Variants in ZC2HC1B observed in about 807,000 individuals in gnomAD.
ZC2HC1B encodes zinc finger C2HC domain-containing protein 1B.
A neutral mutation model predicts 31.0 loss-of-function variants in ZC2HC1B; 36 were observed. The ratio of observed to expected loss-of-function variants is 1.16; its 90% CI spans 0.89 to 1.54. ZC2HC1B has a LOEUF of 1.54. ZC2HC1B is among the 40% of genes most tolerant of loss of function. The pLI is 0.00. For missense variants in ZC2HC1B, 260 were observed against 268.6 expected (o/e 0.97, Z 0.22); for synonymous variants, 73 against 88.0 (o/e 0.83, Z 0.95).
At chr6:143,896,845 AT>A (rs921082536) in intron 4 of ZC2HC1B, among the ~76,000 whole-genome samples, 34 of 151,662 alleles carry the variant, frequency 2.2e-4, no homozygotes, top group African/African-American at 6.3e-4. Flanking sequence ...GTCCTGTTCT[AT>A]TTTTTTTCAA....
chr6:143,903,233 C>A lies in ZC2HC1B; in HGVS notation c.598+81C>A. On this transcript the variant is annotated intron_variant, in intron 6 of 7. Coordinates refer to ENST00000237275, the MANE Select transcript of ZC2HC1B (RefSeq NM_001013623.3). This position sits in a 1 kb window ranked among gnomAD's most constrained non-coding sequence, Gnocchi z 4.3. ...GTTGGGTTTGGGATTCACTGGTAGT[C>A]TGCAAAAGCTCTAAGACATTCACTG... 1 of 1,244,378 alleles carries A rather than the reference C, an allele frequency of 8.0e-7. No homozygotes were observed. The highest frequency in any genetic ancestry group is 1.1e-6 in the Non-Finnish European group (1 of 869,954). The allele number at this position is 1,244,378 out of a possible 1,614,324, so 77.1% of individuals were successfully genotyped here.
At position 143,894,109 on chromosome 6, in the gene ZC2HC1B, T is replaced by G. The variant is rs530691076; in HGVS notation, c.350-4443T>G. On this transcript the variant is annotated intron_variant, in intron 4 of 7. Coordinates refer to ENST00000237275, the MANE Select transcript of ZC2HC1B (RefSeq NM_001013623.3). ...AAGATTTACATGATTGTTCATAGCT[T>G]TATTCATATAGCGTAAACTGGAAAC... is the stretch of plus-strand genomic sequence containing the variant. 7.2e-5 allele frequency among the ~76,000 whole-genome samples: 11 copies of G among 152,358 alleles called. No homozygotes were observed. The South Asian group carries it at 2.1e-3, about 29-fold the overall frequency.
In ZC2HC1B at chr6:143,924,005, G is replaced by A. The variant is rs955447414; in HGVS notation, c.599-13644G>A. On this transcript the variant is annotated intron_variant, in intron 6 of 7. Transcript: ENST00000237275. The surrounding 1 kb of genome is among the most constrained non-coding windows in gnomAD (Gnocchi z 5.2). ...AAGAATGTCATTGGTGTTTTGATAGGGATTACATTGAATCTGTAGATTGCT... is the reference window on the plus strand; with the variant it reads ...AAGAATGTCATTGGTGTTTTGATAGAGATTACATTGAATCTGTAGATTGCT... 1.3e-5 allele frequency among the ~76,000 whole-genome samples: 2 copies of A among 151,732 alleles called. No individual in the cohort carries two copies. Among genetic ancestry groups the A allele is most frequent in the Non-Finnish European group, 2.9e-5 (2 of 67,912 alleles).
chr6:143,906,383 C>T (rs1777795140), intron 6 of ZC2HC1B, among the ~76,000 whole-genome samples: 1 of 151,724 alleles, frequency 6.6e-6, no homozygotes, highest in South Asian at 2.1e-4. Flanking sequence ...AGTCATATCT[C>T]CATTTTCTTT....
At chr6:143,920,437 A>G (rs546705256) in intron 6 of ZC2HC1B, among the ~76,000 whole-genome samples, 1 of 152,310 alleles carries the variant, frequency 6.6e-6, no homozygotes, top group East Asian at 1.9e-4. Context: ...TAGGAATCAA[A>G]AGTCCTGTGT....
intron 6 of ZC2HC1B, among the ~76,000 whole-genome samples, chr6:143,920,321 G>A (rs560298238): frequency 1.3e-5 from 2 of 152,216 alleles, no homozygotes; most frequent in South Asian, 4.2e-4. Context: ...TCGTGAATGG[G>A]AAAAGACAGC....
chr6:143,912,566 C>T (rs1476260424), intron 6 of ZC2HC1B, among the ~76,000 whole-genome samples: 1 of 152,080 alleles, frequency 6.6e-6, no homozygotes, highest in Non-Finnish European at 1.5e-5. Context: ...TTTTCTGTAC[C>T]TTGAGGTATC....
chr6:143,930,819 T>C (rs1406452268), intron 6 of ZC2HC1B, among the ~76,000 whole-genome samples: 3 of 152,240 alleles, frequency 2.0e-5, no homozygotes. Flanking sequence ...GAATGTTCCA[T>C]GCACTGATGA....
At chr6:143,875,905 G>C (rs1416947562) in intron 1 of ZC2HC1B, among the ~76,000 whole-genome samples, 1 of 150,594 alleles carries the variant, frequency 6.6e-6, no homozygotes, top group African/African-American at 2.5e-5. Context: ...CTGGGGAGGG[G>C]GAAGCTGTTT....
chr6:143,919,227 G>C (rs1429246179), intron 6 of ZC2HC1B, among the ~76,000 whole-genome samples: 5 of 141,798 alleles, frequency 3.5e-5, no homozygotes, highest in South Asian at 2.3e-4. Flanking sequence ...CTGTGTGTGT[G>C]TGTGTGTGTG....
At chr6:143,920,112 T>C (rs944777441) in intron 6 of ZC2HC1B, among the ~76,000 whole-genome samples, 1 of 152,174 alleles carries the variant, frequency 6.6e-6, no homozygotes, top group African/African-American at 2.4e-5. Flanking sequence ...AACAATTTCT[T>C]TATATTATGG....
Position 143,934,903 on chromosome 6 carries a change from G to A in ZC2HC1B, c.599-2746G>A, listed in dbSNP as rs1399228363. On this transcript the variant is annotated intron_variant, in intron 6 of 7. Coordinates refer to ENST00000237275, the MANE Select transcript of ZC2HC1B (RefSeq NM_001013623.3). The surrounding 1 kb of genome is among the most constrained non-coding windows in gnomAD (Gnocchi z 4.6). ...GTGGGCACTGGTGTTAGCAGGTCCAGGCAGACCAATCTTTGGACCTCCAGA... is the reference window on the plus strand; with the variant it reads ...GTGGGCACTGGTGTTAGCAGGTCCAAGCAGACCAATCTTTGGACCTCCAGA... Among the ~76,000 whole-genome samples the A allele has an allele frequency of 2.0e-5, 3 of 152,168 alleles. No individual in the cohort carries two copies. In the South Asian group the frequency reaches 6.2e-4, roughly 32 times the overall value.
intron 6 of ZC2HC1B, among the ~76,000 whole-genome samples, chr6:143,916,042 C>G (rs1254724362): frequency 6.6e-6 from 1 of 152,164 alleles, no homozygotes; most frequent in Non-Finnish European, 1.5e-5. Flanking sequence ...CCCTTTGTGG[C>G]AGCACCTCCC....
At position 143,903,011 on chromosome 6, in the gene ZC2HC1B, G is replaced by A; in HGVS notation, c.490-33G>A. On this transcript the variant is annotated intron_variant, in intron 5 of 7. Coordinates refer to ENST00000237275, the MANE Select transcript of ZC2HC1B (RefSeq NM_001013623.3). The surrounding 1 kb of genome is among the most constrained non-coding windows in gnomAD (Gnocchi z 4.3). ...GCACCTGAGGTTACATACAGAAGGT[G>A]TTCTCTTTGTCTCTTTCTTTCTCTC... is the stretch of plus-strand genomic sequence containing the variant. 1 of 1,546,808 alleles carries A rather than the reference G, an allele frequency of 6.5e-7. No individual in the cohort carries two copies. The highest frequency in any genetic ancestry group is 8.7e-7 in the Non-Finnish European group (1 of 1,142,970).
At chr6:143,873,310 G>C (rs926037747) in intron 1 of ZC2HC1B, among the ~76,000 whole-genome samples, 2 of 152,216 alleles carry the variant, frequency 1.3e-5, no homozygotes, top group Non-Finnish European at 2.9e-5. Context: ...CTCTGCCTCT[G>C]TGGCTTTGCA....
chr6:143,891,820 T>A (rs191868703), intron 4 of ZC2HC1B, among the ~76,000 whole-genome samples: 5 of 152,332 alleles, frequency 3.3e-5, no homozygotes, highest in African/African-American at 4.8e-5. Context: ...TTGGAGTATT[T>A]ACATTACCTG....
At chr6:143,919,587 C>T (rs1777964478) in intron 6 of ZC2HC1B, among the ~76,000 whole-genome samples, 1 of 152,084 alleles carries the variant, frequency 6.6e-6, no homozygotes, top group Admixed American at 6.6e-5. Context: ...TCAGAAACAA[C>T]AATCAGTGAT....
chr6:143,900,066 T>TG (rs755388740), intron 5 of ZC2HC1B, among the ~76,000 whole-genome samples: 1 of 152,094 alleles, frequency 6.6e-6, no homozygotes, highest in Non-Finnish European at 1.5e-5. Context: ...GGCACCCATC[T>TG]GGGGAGCGAA....
rs1169588754 is a variant in ZC2HC1B, at chr6:143,903,350, C to CA, written c.598+199dup. ...TAATTTATCAGGATTACACAACTTT[C>CA]ACAATGTACAAGTCAAATTCGATTA... On this transcript the variant is annotated intron_variant, in intron 6 of 7. Coordinates refer to ENST00000237275, the MANE Select transcript of ZC2HC1B (RefSeq NM_001013623.3). This position sits in a 1 kb window ranked among gnomAD's most constrained non-coding sequence, Gnocchi z 4.3. Among the ~76,000 whole-genome samples, 1 of 152,184 alleles carries CA rather than the reference C, an allele frequency of 6.6e-6. No homozygotes were observed. The highest frequency in any genetic ancestry group is 1.5e-5 in the Non-Finnish European group (1 of 68,030).
Sources: gnomAD v4.1 joint callset for allele counts (sites outside exome capture counted in the v4.1 genomes callset) on GRCh38, gnomAD v4.1.1 for gene constraint, Gnocchi (gnomAD v3.1) non-coding constraint, MANE v1.5 for transcripts, NCBI Gene and HGNC (gene_info 2026-07-23, HGNC 2026-07-21) for gene names.